The following MTFMT variants were observed in gnomAD, a reference collection of about 807,000 sequenced individuals.
MTFMT encodes methionyl-tRNA formyltransferase, mitochondrial.
MTFMT carries 47 observed loss-of-function variants against 51.8 expected under a neutral mutation model. The observed-to-expected ratio is 0.91, with a 90% CI of 0.72 to 1.16. The LOEUF is 1.16. MTFMT is among the 50% of genes most tolerant of loss of function. The probability of loss-of-function intolerance (pLI) is 0.00; values close to 1 mark genes in which losing one functional copy is unlikely to be tolerated. For synonymous variants in MTFMT, 196 were observed against 176.7 expected (o/e 1.11, Z -0.87); for missense variants, 512 against 482.3 (o/e 1.06, Z -0.58).
intron 3 of MTFMT, 121 bp downstream of exon 3, chr15:65,023,548 CAGA>C (rs1439523048): frequency 4.4e-5 from 36 of 827,538 alleles, no homozygotes; most frequent in East Asian, 3.9e-4. Flanking sequence ...GATATAAAAG[CAGA>C]AGAAGCACTC....
rs2086185333 is a variant in MTFMT, at chr15:65,002,644, A to G, written c.*418T>C. 6.6e-6 allele frequency: 1 copy of G among 152,020 alleles called. No individual in the cohort carries two copies. Among genetic ancestry groups the G allele is most frequent in the Non-Finnish European group, 1.5e-5 (1 of 68,076 alleles). 9.4% of individuals were successfully genotyped at this position (152,020 alleles called of 1,614,324 possible). On this transcript the variant is annotated 3_prime_UTR_variant, in exon 9 of 9. Transcript: ENST00000220058. ...TTTTCGGCAATAATCTTCTCTTCTT[A>G]TAATAATGCCATCTTCTTTGAAAGT...
At chr15:65,020,353 A>G (rs2086363573) in intron 4 of MTFMT, 81 bp from the exon 5 acceptor site, 1 of 1,162,676 alleles carries the variant, frequency 8.6e-7, no homozygotes, top group Admixed American at 2.5e-5. Flanking sequence ...ATTCAGCACC[A>G]TGAAATAACC....
intron 4 of MTFMT, 114 bp downstream of exon 4, chr15:65,021,400 T>C: frequency 1.4e-6 from 1 of 729,096 alleles, no homozygotes; most frequent in South Asian, 1.7e-5. Flanking sequence ...AAGATAGAAA[T>C]TACTCTTTTT....
chr15:65,004,561 C>A (rs767940907), intron 8 of MTFMT, among the ~76,000 whole-genome samples: 23 of 152,136 alleles, frequency 1.5e-4, no homozygotes, highest in Non-Finnish European at 2.8e-4. Context: ...TTTTATGTTA[C>A]CAAGCACAAG....
intron 3 of MTFMT, among the ~76,000 whole-genome samples, chr15:65,023,330 A>C (rs2086391648): frequency 6.6e-6 from 1 of 152,214 alleles, no homozygotes; most frequent in African/African-American, 2.4e-5. Flanking sequence ...ATAGTTTAGA[A>C]ACCAAGGCCA....
At position 65,001,689 on chromosome 15, in the gene MTFMT, C is replaced by T. The variant is rs923406514; in HGVS notation, c.*1373G>A. 6.6e-6 allele frequency: 1 copy of T among 152,016 alleles called. No homozygotes were observed. Among genetic ancestry groups the T allele is most frequent in the Admixed American group, 6.6e-5 (1 of 15,238 alleles). 9.4% of individuals were successfully genotyped at this position (152,016 alleles called of 1,614,324 possible). ...CCAGCCTAAGCAACATAGTGAGACC[C>T]CTATCTCTACAAAATTTTTTTTAAA... On this transcript the variant is annotated 3_prime_UTR_variant, in exon 9 of 9. Transcript: ENST00000220058.
intron 2 of MTFMT, among the ~76,000 whole-genome samples, chr15:65,024,261 G>A (rs903592983): frequency 3.9e-5 from 6 of 152,190 alleles, no homozygotes; most frequent in African/African-American, 1.4e-4. Flanking sequence ...GGGAGGCAGA[G>A]GTGCAGTGAA....
intron 2 of MTFMT, 114 bp from the exon 3 acceptor site, chr15:65,023,908 C>CT: frequency 1.0e-6 from 1 of 964,854 alleles, no homozygotes; most frequent in Non-Finnish European, 1.5e-6. Flanking sequence ...TTTGGAAAAA[C>CT]TGACAGTTAA....
chr15:65,001,885 AT>A lies in MTFMT; in HGVS notation c.*1176del, dbSNP rs1280431100. 1 of 152,144 alleles carries A rather than the reference AT, an allele frequency of 6.6e-6. No homozygotes were observed. The highest frequency in any genetic ancestry group is 6.5e-5 in the Admixed American group (1 of 15,268). 9.4% of individuals were successfully genotyped at this position (152,144 alleles called of 1,614,324 possible). The stretch of plus-strand genomic sequence containing the variant: ...TCTCTAAAAAAATTAATAAAAAAAA[AT>A]AAAATCTGGATGTAAAATGTTAATT... On this transcript the variant is annotated 3_prime_UTR_variant, in exon 9 of 9. Transcript: ENST00000220058.
Position 65,003,162 on chromosome 15 carries a change from T to C in MTFMT, c.1070A>G (p.Asn357Ser), listed in dbSNP as rs903328455. Residue 357 changes from asparagine to serine, a missense_variant, in exon 9 of 9, where the codon AAT (asparagine) becomes AGT (serine). Coordinates refer to ENST00000220058, the MANE Select transcript of MTFMT (RefSeq NM_139242.4). ...GCATTGGCTTGGTTGAGCTTGGGAA[T>C]TTTTCTGGTACCAGGGGTGCAAATA... Reference protein sequence around the residue: ...NGYLHPWYQKNSQAQPSQCRF... With the variant: ...NGYLHPWYQKSSQAQPSQCRF... 5.0e-6 allele frequency: 8 copies of C among 1,613,568 alleles called. No homozygotes were observed. Among genetic ancestry groups the C allele is most frequent in the Non-Finnish European group, 6.8e-6 (8 of 1,179,780 alleles).
intron 1 of MTFMT, among the ~76,000 whole-genome samples, chr15:65,028,229 G>A (rs2086444281): frequency 6.6e-6 from 1 of 152,120 alleles, no homozygotes; most frequent in East Asian, 1.9e-4. Flanking sequence ...AGATAAGCCT[G>A]GGCAACATGG....
At chr15:65,021,412 G>A in intron 4 of MTFMT, 102 bp downstream of exon 4, 1 of 810,330 alleles carries the variant, frequency 1.2e-6, no homozygotes, top group Non-Finnish European at 2.0e-6. Flanking sequence ...ACTCTTTTTT[G>A]TTTTTAAGAA....
chr15:65,017,913 G>A (rs1296914918), intron 5 of MTFMT, among the ~76,000 whole-genome samples: 1 of 152,122 alleles, frequency 6.6e-6, no homozygotes, highest in East Asian at 1.9e-4. Context: ...CACCTTTTGT[G>A]AAGGAAAAAT....
rs771163568 is a variant in MTFMT, at chr15:65,003,254, A to G, written c.978T>C (p.Asp326=). 6.2e-7 allele frequency: 1 copy of G among 1,612,298 alleles called. No individual in the cohort carries two copies. The highest frequency in any genetic ancestry group is 1.7e-5 in the Admixed American group (1 of 59,752). Residue 326 remains aspartate, a splice_region_variant and synonymous_variant, in exon 9 of 9, where the codon GAT becomes GAC. Transcript: ENST00000220058. ...TCACTGATCGAACACCAATCCAACC[A>G]TCCTAAAGGGCAAAATACAAATAGT... The part of the protein sequence containing the change: ...QSQILLVYCK[D]GWIGVRSVML...
At chr15:65,007,966 A>G (rs1314940235) in intron 6 of MTFMT, among the ~76,000 whole-genome samples, 1 of 151,972 alleles carries the variant, frequency 6.6e-6, no homozygotes, top group Admixed American at 6.6e-5. Flanking sequence ...TTCTCTCATT[A>G]CTTTGGTGGT....
chr15:65,020,382 T>A (rs1270936260), intron 4 of MTFMT, 110 bp from the exon 5 acceptor site: 3 of 957,920 alleles, frequency 3.1e-6, no homozygotes, highest in African/African-American at 3.4e-5. Context: ...TTTTTCTTTT[T>A]CTTTTTTCAA....
chr15:65,015,475 C>T (rs1363371936), intron 6 of MTFMT, among the ~76,000 whole-genome samples: 1 of 152,120 alleles, frequency 6.6e-6, no homozygotes, highest in African/African-American at 2.4e-5. Flanking sequence ...AAGAATTTAG[C>T]ATGCTATAGA....
chr15:65,023,541 A>G, intron 3 of MTFMT, 131 bp downstream of exon 3: 1 of 767,354 alleles, frequency 1.3e-6, no homozygotes, highest in Admixed American at 2.6e-5. Flanking sequence ...CAGAAAGGAT[A>G]TAAAAGCAGA....
At chr15:65,026,650 C>G (rs145792613) in intron 2 of MTFMT, 181 bp downstream of exon 2, 367 of 611,870 alleles carry the variant, frequency 6.0e-4, no homozygotes, top group African/African-American at 5.5e-3. Flanking sequence ...CCTTCAGTTA[C>G]CTGAACCTGG....
Sources: gnomAD v4.1 joint callset for allele counts (sites outside exome capture counted in the v4.1 genomes callset) on GRCh38, gnomAD v4.1.1 for gene constraint, MANE v1.5 for transcripts, NCBI Gene and HGNC (gene_info 2026-07-23, HGNC 2026-07-21) for gene names.